The following AOPEP variants were observed in gnomAD, a reference collection of about 807,000 sequenced individuals.
AOPEP encodes aminopeptidase O (putative), also known as aminopeptidase O.
AOPEP carries 77 observed loss-of-function variants against 98.1 expected under a neutral mutation model. That is an observed-to-expected ratio of 0.78 (90% confidence interval 0.65 to 0.95). The LOEUF (loss-of-function observed/expected upper bound fraction) is 0.95. Among genes scored for constraint, AOPEP ranks in the 40% least tolerant of loss-of-function variants. The probability of loss-of-function intolerance (pLI) is 0.00; values close to 1 mark genes in which losing one functional copy is unlikely to be tolerated. For missense variants in AOPEP, 1,024 were observed against 1,024.7 expected, an observed-to-expected ratio of 1.00 and a Z score of 0.01; for synonymous variants, 346 against 365.3, an observed-to-expected ratio of 0.95 and a Z score of 0.60.
At chr9:95,103,364 T>C in the AOPEP span, among the ~76,000 whole-genome samples, 3 of 151,980 alleles carry the variant, frequency 2.0e-5, no homozygotes, top group Admixed American at 6.5e-5. Context: ...GCACCAAGAG[T>C]GGGTTCAATT....
intron 5 of AOPEP, among the ~76,000 whole-genome samples, chr9:94,845,206 G>A (rs1004311395): frequency 6.6e-6 from 1 of 152,336 alleles, no homozygotes; most frequent in South Asian, 2.1e-4. Flanking sequence ...GTTCAGGTGG[G>A]ACTTTAGGAA....
At chr9:95,004,171 C>T (rs2061748201) in intron 11 of AOPEP, 1 of 454,612 alleles carries the variant, frequency 2.2e-6, no homozygotes, top group South Asian at 1.6e-5. Context: ...CAGGACAACC[C>T]GACTCTCCGC....
chr9:94,865,485 A>G (rs1867102), intron 5 of AOPEP, among the ~76,000 whole-genome samples: 64,741 of 152,084 alleles, frequency 0.43, 14,229 homozygotes, highest in East Asian at 0.58. Context: ...TGAAATTGAA[A>G]TGCTGCATTT....
the AOPEP span, chr9:95,109,621 G>C: frequency 6.6e-6 from 1 of 152,186 alleles, no homozygotes; most frequent in Non-Finnish European, 1.5e-5. Context: ...CCTTCTCACA[G>C]GCAGGACACA....
intron 7 of AOPEP, among the ~76,000 whole-genome samples, chr9:94,953,205 T>C (rs563561960): frequency 7.8e-4 from 119 of 152,324 alleles, no homozygotes; most frequent in African/African-American, 2.7e-3. Flanking sequence ...AAACATTGCA[T>C]GGCAGGACAA....
intron 5 of AOPEP, 149 bp downstream of exon 5, chr9:94,801,151 G>C (rs1848137012): frequency 1.1e-6 from 1 of 921,294 alleles, no homozygotes. Context: ...TTGCTGCCTT[G>C]AGGGACAATT....
chr9:95,115,858 C>A, the AOPEP span, among the ~76,000 whole-genome samples: 42 of 152,340 alleles, frequency 2.8e-4, no homozygotes, highest in Non-Finnish European at 4.7e-4. Flanking sequence ...TCTACACAGT[C>A]AGGGCTCGTA....
chr9:94,832,578 A>G (rs926786185), intron 5 of AOPEP, among the ~76,000 whole-genome samples: 2 of 152,238 alleles, frequency 1.3e-5, no homozygotes, highest in African/African-American at 4.8e-5. Flanking sequence ...ATATACACAC[A>G]GTTGTTTTTT....
chr9:95,081,810 G>A (rs895006406), intron 15 of AOPEP, among the ~76,000 whole-genome samples: 7 of 152,116 alleles, frequency 4.6e-5, no homozygotes, highest in African/African-American at 1.7e-4. Context: ...CCTTAACTAC[G>A]AAGTTTTGCT....
chr9:94,872,322 A>C (rs922659467), intron 5 of AOPEP, among the ~76,000 whole-genome samples: 24 of 152,012 alleles, frequency 1.6e-4, no homozygotes, highest in Admixed American at 9.2e-4. Context: ...CATCTGTCTA[A>C]CCCCTCATTT....
chr9:94,733,097 TTC>T (rs1168588934), intron 1 of AOPEP, among the ~76,000 whole-genome samples: 1 of 150,710 alleles, frequency 6.6e-6, no homozygotes, highest in African/African-American at 2.4e-5. Context: ...TTTAATCATT[TTC>T]TTTCTCTTTT....
intron 5 of AOPEP, among the ~76,000 whole-genome samples, chr9:94,878,867 T>C (rs1330151241): frequency 1.3e-5 from 2 of 152,200 alleles, no homozygotes; most frequent in African/African-American, 4.8e-5. Context: ...GACAGGGGAA[T>C]TGCAATAGAG....
chr9:95,080,747 CA>C lies in AOPEP; in HGVS notation c.2290del (p.Ser764ValfsTer20). 1 of 1,614,036 alleles carries C rather than the reference CA, an allele frequency of 6.2e-7. No individual in the cohort carries two copies. Among genetic ancestry groups the C allele is most frequent in the Non-Finnish European group, 8.5e-7 (1 of 1,179,972 alleles). Reference sequence around the variant, plus strand: ...TTAAGCACAAGTTCACGAAAGCCTACAAAAGTGTGGAGAGGTTCCTTCAGGA... The same window carrying C: ...TTAAGCACAAGTTCACGAAAGCCTACAAAGTGTGGAGAGGTTCCTTCAGGA... ...IVKHKFTKAYKSVERFLQEDQ... is the reference protein window; with the variant it reads ...IVKHKFTKAYXSVERFLQEDQ... On this transcript the variant is annotated frameshift_variant, in exon 15 of 17. Transcript: ENST00000375315. LOFTEE classifies it high-confidence loss of function.
the AOPEP span, chr9:95,126,628 T>C: frequency 6.3e-7 from 1 of 1,588,774 alleles, no homozygotes; most frequent in Non-Finnish European, 8.6e-7. Context: ...ACAAGCACTT[T>C]CTCAGAAACT....
rs75442833 is a variant in AOPEP at position 94,821,467 on chromosome 9, A to G, written c.1364+20465A>G. 7.4e-3 allele frequency among the ~76,000 whole-genome samples: 1,127 copies of G among 152,372 alleles called. 14 individuals carry two copies. Among genetic ancestry groups the G allele is most frequent in the African/African-American group, 0.026 (1,088 of 41,592 alleles). On this transcript the variant is annotated intron_variant, in intron 5 of 16. Transcript: ENST00000375315. ...GAGACTTTCAGTGGTTTTAATCTTC[A>G]GACTTTGGCAGAGGCCAAGCATGAT... is the stretch of plus-strand genomic sequence containing the variant.
chr9:94,942,545 T>G (rs1006694145), intron 7 of AOPEP, among the ~76,000 whole-genome samples: 2 of 152,180 alleles, frequency 1.3e-5, no homozygotes, highest in Admixed American at 6.5e-5. Flanking sequence ...ACTGTACTAT[T>G]CAACATTGTA....
chr9:95,004,827 C>T (rs982102306), intron 11 of AOPEP, among the ~76,000 whole-genome samples: 2 of 146,850 alleles, frequency 1.4e-5, no homozygotes, highest in African/African-American at 4.9e-5. Context: ...GGGAGCACGC[C>T]GTTCGTGGGG....
At chr9:94,858,375 G>A (rs1015676948) in intron 5 of AOPEP, among the ~76,000 whole-genome samples, 8 of 41,100 alleles carry the variant, frequency 1.9e-4, no homozygotes, top group African/African-American at 3.0e-4. Context: ...ACACGAACTT[G>A]GTGACTTAAA....
the AOPEP span, chr9:95,107,171 G>A: frequency 6.2e-7 from 1 of 1,614,236 alleles, no homozygotes; most frequent in South Asian, 1.1e-5. Flanking sequence ...TGAGGTCTGT[G>A]TCTGTGCCCT....
Sources: allele counts gnomAD v4.1 joint callset (sites outside exome capture counted in the v4.1 genomes callset), GRCh38; gene constraint gnomAD v4.1.1; transcripts MANE v1.5; gene names NCBI Gene and HGNC (gene_info 2026-07-23, HGNC 2026-07-21).